Variants in SLC39A9 observed in about 807,000 individuals in gnomAD.
The protein encoded by SLC39A9 is solute carrier family 39 member 9, also known as zinc transporter ZIP9.
Under a neutral mutation model 28.4 loss-of-function variants are expected in SLC39A9, and 14 were observed. The ratio of observed to expected loss-of-function variants is 0.49; its 90% CI spans 0.33 to 0.77. The LOEUF is 0.77. Ranked by LOEUF, SLC39A9 falls within the 30% of genes least tolerant of loss-of-function variation. SLC39A9 has a pLI of 0.02. For missense variants in SLC39A9, 283 were observed against 381.1 expected (o/e 0.74, Z 2.14); for synonymous variants, 119 against 149.6 (o/e 0.80, Z 1.49).
chr14:69,446,064 A>C (rs185858710), intron 3 of SLC39A9, among the ~76,000 whole-genome samples: 1 of 152,180 alleles, frequency 6.6e-6, no homozygotes, highest in East Asian at 1.9e-4. Context: ...TGGAATGGGC[A>C]AAACAGTTCT....
intron 1 of SLC39A9, among the ~76,000 whole-genome samples, chr14:69,419,784 T>C (rs1279935141): frequency 1.3e-5 from 2 of 152,198 alleles, no homozygotes; most frequent in Non-Finnish European, 2.9e-5. Context: ...TGTTTGTTGG[T>C]TTAAAGTCTG....
At chr14:69,446,977 G>A (rs553899757) in intron 3 of SLC39A9, among the ~76,000 whole-genome samples, 1 of 151,694 alleles carries the variant, frequency 6.6e-6, no homozygotes, top group Admixed American at 6.6e-5. Context: ...GCGAGAGAGA[G>A]AGAGAGAGCA....
intron 1 of SLC39A9, 60 bp from the exon 2 acceptor site, chr14:69,424,034 A>G (rs888249998): frequency 3.9e-6 from 5 of 1,266,544 alleles, no homozygotes; most frequent in Non-Finnish European, 5.7e-6. Flanking sequence ...CAGATACTTG[A>G]GAAACTTTTT....
intron 1 of SLC39A9, among the ~76,000 whole-genome samples, chr14:69,406,046 A>G (rs1306372945): frequency 6.6e-6 from 1 of 152,194 alleles, no homozygotes; most frequent in Non-Finnish European, 1.5e-5. Context: ...TCACTTGACT[A>G]CTAAATGTTG....
At chr14:69,403,158 GT>G (rs1191337100) in intron 1 of SLC39A9, among the ~76,000 whole-genome samples, 2 of 149,080 alleles carry the variant, frequency 1.3e-5, no homozygotes, top group African/African-American at 2.4e-5. Context: ...AGGAAGCCCT[GT>G]TTGGTAAGGG....
chr14:69,440,928 A>G (rs1048002076), intron 2 of SLC39A9, among the ~76,000 whole-genome samples: 2 of 152,096 alleles, frequency 1.3e-5, no homozygotes, highest in Non-Finnish European at 2.9e-5. Context: ...CTCCCAAAGT[A>G]CTACGATTAC....
chr14:69,453,388 C>T (rs1885707816), intron 4 of SLC39A9, 79 bp downstream of exon 4: 1 of 1,351,714 alleles, frequency 7.4e-7, no homozygotes, highest in African/African-American at 1.4e-5. Context: ...CAGGGACCGT[C>T]CTCATTGAAT....
At chr14:69,423,050 T>C (rs964032044) in intron 1 of SLC39A9, among the ~76,000 whole-genome samples, 1 of 152,210 alleles carries the variant, frequency 6.6e-6, no homozygotes, top group African/African-American at 2.4e-5. Flanking sequence ...TTTCATCGTA[T>C]GAGTAATACA....
Position 69,461,226 on chromosome 14 carries a change from A to T in SLC39A9, c.*2633A>T, listed in dbSNP as rs957352741. On this transcript the variant is annotated 3_prime_UTR_variant, in exon 7 of 7. Coordinates refer to ENST00000336643, the MANE Select transcript of SLC39A9 (RefSeq NM_018375.5). Reference sequence around the variant, plus strand: ...CAAAGTTAATCTTAATTGCAATTTGACTCCGTTTCCTTGGTAGGGATAGAC... The same window carrying T: ...CAAAGTTAATCTTAATTGCAATTTGTCTCCGTTTCCTTGGTAGGGATAGAC... 4 of 987,254 alleles carry T rather than the reference A, an allele frequency of 4.1e-6. No homozygotes were observed. In the African/African-American group the frequency reaches 7.0e-5, roughly 17 times the overall value. 61.2% of individuals were successfully genotyped at this position (987,254 alleles called of 1,614,324 possible).
intron 2 of SLC39A9, among the ~76,000 whole-genome samples, chr14:69,432,156 C>T (rs1431730787): frequency 6.6e-6 from 1 of 152,186 alleles, no homozygotes. Flanking sequence ...TCCACAGTGA[C>T]TGAACTAATT....
chr14:69,413,118 A>G (rs1184306048), intron 1 of SLC39A9, among the ~76,000 whole-genome samples: 4 of 152,172 alleles, frequency 2.6e-5, no homozygotes, highest in Admixed American at 6.6e-5. Flanking sequence ...GCACTTTGGG[A>G]GGCCGAGGCA....
At chr14:69,405,635 T>C (rs1431776224) in intron 1 of SLC39A9, among the ~76,000 whole-genome samples, 1 of 152,152 alleles carries the variant, frequency 6.6e-6, no homozygotes, top group Non-Finnish European at 1.5e-5. Flanking sequence ...TCTCAGTAAA[T>C]TTATCCATAT....
At position 69,461,811 on chromosome 14, in the gene SLC39A9, T is replaced by A; in HGVS notation, c.*3218T>A. 6.8e-7 allele frequency: 1 copy of A among 1,472,012 alleles called. No individual in the cohort carries two copies. The highest frequency in any genetic ancestry group is 9.1e-7 in the Non-Finnish European group (1 of 1,099,088). The allele number at this position is 1,472,012 out of a possible 1,614,324, so 91.2% of individuals were successfully genotyped here. A position where few individuals can be genotyped will look rare whatever the true frequency, so the allele number is the denominator to read the frequency against. On this transcript the variant is annotated 3_prime_UTR_variant, in exon 7 of 7. Transcript: ENST00000336643. ...CAGCAGCACAAACCCCCAAAGGATG[T>A]TCCTGCCTTGTGGGCCCCTGAGCCC...
intron 2 of SLC39A9, among the ~76,000 whole-genome samples, chr14:69,432,519 T>G (rs908016039): frequency 6.6e-6 from 1 of 152,188 alleles, no homozygotes; most frequent in East Asian, 1.9e-4. Context: ...GTTTATTCTC[T>G]TGATAGTTTA....
chr14:69,413,816 T>C (rs1395553020), intron 1 of SLC39A9, among the ~76,000 whole-genome samples: 1 of 152,194 alleles, frequency 6.6e-6, no homozygotes, highest in African/African-American at 2.4e-5. Flanking sequence ...CTGTAACCAC[T>C]AACTAGCTTA....
At chr14:69,453,210 C>T (rs1462712436) in intron 3 of SLC39A9, 31 bp from the exon 4 acceptor site, 1 of 1,589,472 alleles carries the variant, frequency 6.3e-7, no homozygotes, top group Admixed American at 1.7e-5. Context: ...TCTCACATAG[C>T]TTAACGCTGT....
chr14:69,415,958 A>G (rs1334138596), intron 1 of SLC39A9, among the ~76,000 whole-genome samples: 1 of 152,116 alleles, frequency 6.6e-6, no homozygotes, highest in Non-Finnish European at 1.5e-5. Context: ...TATAGGGTAC[A>G]TGTGCACAAT....
chr14:69,422,336 C>T (rs1048606165), intron 1 of SLC39A9, among the ~76,000 whole-genome samples: 1 of 152,064 alleles, frequency 6.6e-6, no homozygotes, highest in Non-Finnish European at 1.5e-5. Context: ...CTCACTATAG[C>T]CTCACCCTCC....
chr14:69,436,002 T>C (rs547696332), intron 2 of SLC39A9, among the ~76,000 whole-genome samples: 1 of 152,274 alleles, frequency 6.6e-6, no homozygotes, highest in Admixed American at 6.5e-5. Context: ...TCTCATCCAG[T>C]GAATTTACTA....
Sources: allele counts gnomAD v4.1 joint callset (sites outside exome capture counted in the v4.1 genomes callset), GRCh38; gene constraint gnomAD v4.1.1; transcripts MANE v1.5; gene names NCBI Gene and HGNC (gene_info 2026-07-23, HGNC 2026-07-21).